The following TCF4 variants were observed in gnomAD, a reference collection of about 807,000 sequenced individuals.
The protein encoded by TCF4 is SL3-3 enhancer factor 2.
In TCF4, 3 loss-of-function variants were observed where a neutral mutation model predicts 82.1. The ratio of observed to expected loss-of-function variants is 0.04; its 90% CI spans 0.02 to 0.09. The LOEUF is 0.09. Among genes scored for constraint, TCF4 ranks in the 10% least tolerant of loss-of-function variants. TCF4 has a pLI of 1.00. For missense variants in TCF4, 518 were observed against 852.7 expected (o/e 0.61, Z 4.89); for synonymous variants, 276 against 309.6 (o/e 0.89, Z 1.14).
chr18:55,286,706 C>G (rs2063767238), intron 8 of TCF4, among the ~76,000 whole-genome samples: 1 of 152,170 alleles, frequency 6.6e-6, no homozygotes, highest in Non-Finnish European at 1.5e-5. Context: ...AAAAACCAAA[C>G]CAAACCACAG....
At chr18:55,609,907 C>T (rs1333289502) in intron 2 of TCF4, among the ~76,000 whole-genome samples, 1 of 135,564 alleles carries the variant, frequency 7.4e-6, no homozygotes, top group African/African-American at 2.5e-5. Flanking sequence ...CTTCCACACT[C>T]ACCCCCTGTT....
chr18:55,529,406 A>C (rs1446275149), intron 3 of TCF4, among the ~76,000 whole-genome samples: 1 of 152,190 alleles, frequency 6.6e-6, no homozygotes, highest in African/African-American at 2.4e-5. Context: ...TATAGTGTGA[A>C]TCATTTCAAT....
chr18:55,462,097 G>C (rs2095877501), intron 4 of TCF4, among the ~76,000 whole-genome samples: 1 of 152,066 alleles, frequency 6.6e-6, no homozygotes, highest in African/African-American at 2.4e-5. Flanking sequence ...CAAAAGAGAG[G>C]GCTGCTGCAT....
rs117171785 is a variant in TCF4, at chr18:55,437,932, G to A, written c.304+23087C>T. The stretch of plus-strand genomic sequence containing the variant: ...AATATAGGTTTAGGCCAGGCACAGC[G>A]GCTCACGCCTCTAATCCCAGCACTT... On this transcript the variant is annotated intron_variant, in intron 5 of 19. Coordinates refer to ENST00000354452, the MANE Select transcript of TCF4 (RefSeq NM_001083962.2). Among the ~76,000 whole-genome samples, 1,512 of 152,292 alleles carry A rather than the reference G, an allele frequency of 9.9e-3. 30 individuals are homozygous for A. The South Asian group carries it at 0.1, about 10-fold the overall frequency.
chr18:55,391,520 G>C (rs181177875), intron 6 of TCF4, among the ~76,000 whole-genome samples: 2 of 152,202 alleles, frequency 1.3e-5, no homozygotes, highest in Admixed American at 1.3e-4. Flanking sequence ...CTGTGAACCA[G>C]CAGTGGGGCA....
chr18:55,536,872 C>T (rs999799644), intron 3 of TCF4, among the ~76,000 whole-genome samples: 3 of 152,242 alleles, frequency 2.0e-5, no homozygotes, highest in Middle Eastern at 3.4e-3. Context: ...TGGTGGCTCA[C>T]GCCTGTAATC....
At chr18:55,281,636 C>T (rs1323053172) in intron 8 of TCF4, among the ~76,000 whole-genome samples, 2 of 151,734 alleles carry the variant, frequency 1.3e-5, no homozygotes, top group African/African-American at 2.4e-5. Flanking sequence ...ATTACATATT[C>T]TATTACATTA....
chr18:55,455,450 A>T (rs944988156), intron 5 of TCF4, among the ~76,000 whole-genome samples: 1 of 151,748 alleles, frequency 6.6e-6, no homozygotes, highest in Non-Finnish European at 1.5e-5. Flanking sequence ...TTCCTTTCTC[A>T]GAAATTACTT....
intron 15 of TCF4, among the ~76,000 whole-genome samples, chr18:55,240,228 C>T (rs903806267): frequency 2.6e-5 from 4 of 152,102 alleles, no homozygotes; most frequent in African/African-American, 7.2e-5. Context: ...GAAAGAAGAA[C>T]AACAACAAAA....
intron 6 of TCF4, among the ~76,000 whole-genome samples, chr18:55,354,235 C>T (rs189549230): frequency 3.7e-4 from 56 of 152,314 alleles, no homozygotes; most frequent in African/African-American, 1.2e-3. Flanking sequence ...GGGGTTCACC[C>T]TCTGCAGCCA....
At chr18:55,584,412 A>G (rs1337420013) in intron 3 of TCF4, among the ~76,000 whole-genome samples, 1 of 152,198 alleles carries the variant, frequency 6.6e-6, no homozygotes, top group Non-Finnish European at 1.5e-5. Context: ...GACTTAAGCC[A>G]CGGACTTAAA....
chr18:55,394,880 G>A (rs886188599), intron 6 of TCF4, among the ~76,000 whole-genome samples: 3 of 152,154 alleles, frequency 2.0e-5, no homozygotes, highest in Admixed American at 6.5e-5. Flanking sequence ...AGAATGGGGT[G>A]CTTCAATTCT....
chr18:55,349,290 G>C (rs2081850698), intron 8 of TCF4, among the ~76,000 whole-genome samples: 2 of 152,158 alleles, frequency 1.3e-5, no homozygotes, highest in East Asian at 3.9e-4. Context: ...ATAATTGTTT[G>C]GATGAGCTGA....
chr18:55,364,565 T>C (rs2086328947), intron 6 of TCF4, among the ~76,000 whole-genome samples: 1 of 152,210 alleles, frequency 6.6e-6, no homozygotes, highest in Non-Finnish European at 1.5e-5. Flanking sequence ...AAGGGAACTT[T>C]AGGTAGCGGC....
chr18:55,352,260 A>G (rs1327767145), intron 6 of TCF4, among the ~76,000 whole-genome samples: 1 of 152,178 alleles, frequency 6.6e-6, no homozygotes, highest in Non-Finnish European at 1.5e-5. Context: ...ACAAAGTGGC[A>G]TGTCTTCTAG....
intron 1 of TCF4, among the ~76,000 whole-genome samples, chr18:55,632,648 C>T (rs1279115092): frequency 6.6e-6 from 1 of 152,138 alleles, no homozygotes; most frequent in African/African-American, 2.4e-5. Context: ...TCAGCAGATG[C>T]CAGAGACAAT....
At chr18:55,257,446 G>C (rs1253697670) in intron 13 of TCF4, 55 bp from the exon 14 acceptor site, 15 of 1,561,866 alleles carry the variant, frequency 9.6e-6, no homozygotes, top group Admixed American at 1.7e-5. Flanking sequence ...AAAGACGCTT[G>C]CCAATATTTT....
At chr18:55,457,746 T>A (rs2095793620) in intron 5 of TCF4, among the ~76,000 whole-genome samples, 1 of 152,190 alleles carries the variant, frequency 6.6e-6, no homozygotes, top group Non-Finnish European at 1.5e-5. Flanking sequence ...TTTGCATAAA[T>A]GTGAAATAGA....
intron 8 of TCF4, among the ~76,000 whole-genome samples, chr18:55,325,691 T>G (rs1304713875): frequency 6.6e-6 from 1 of 152,216 alleles, no homozygotes; most frequent in Non-Finnish European, 1.5e-5. Context: ...AGTTGTTTTT[T>G]GTTGTTGTTG....
Sources: allele counts gnomAD v4.1 joint callset (sites outside exome capture counted in the v4.1 genomes callset), GRCh38; gene constraint gnomAD v4.1.1; transcripts MANE v1.5; gene names NCBI Gene and HGNC (gene_info 2026-07-23, HGNC 2026-07-21).